AGO2: variants seen among roughly 807,000 people sequenced by gnomAD.
AGO2 encodes the protein protein argonaute-2.
In AGO2, 5 loss-of-function variants were observed where a neutral mutation model predicts 102.3. The ratio of observed to expected loss-of-function variants is 0.05; its 90% CI spans 0.03 to 0.10. AGO2 has a LOEUF of 0.10. AGO2 is among the 10% of genes least tolerant of loss of function. AGO2 has a pLI of 1.00. For synonymous variants in AGO2, 449 were observed against 473.1 expected (o/e 0.95, Z 0.66); for missense variants, 541 against 1,183.7 (o/e 0.46, Z 7.97).
chr8:140,610,598 C>T (rs2074062745), intron 1 of AGO2, among the ~76,000 whole-genome samples: 1 of 152,206 alleles, frequency 6.6e-6, no homozygotes, highest in African/African-American at 2.4e-5. Context: ...CCGAAGACAG[C>T]GCTCCTGAAA....
intron 1 of AGO2, among the ~76,000 whole-genome samples, chr8:140,595,428 T>C (rs1372307293): frequency 6.6e-6 from 1 of 151,844 alleles, no homozygotes; most frequent in East Asian, 1.9e-4. Flanking sequence ...TCCACTCTTC[T>C]CTATGCTTCT....
chr8:140,549,097 G>A lies in AGO2; in HGVS notation c.1588+17C>T. ...CCACGACGGCTCCCCACAGCCAGCG[G>A]GAGCGCCCACACCTACCGTACACGG... On this transcript the variant is annotated intron_variant, in intron 12 of 18. Transcript: ENST00000220592. 2 of 1,581,284 alleles carry A rather than the reference G, an allele frequency of 1.3e-6. No individual in the cohort carries two copies. Among genetic ancestry groups the A allele is most frequent in the Non-Finnish European group, 1.7e-6 (2 of 1,160,310 alleles).
In AGO2 at chr8:140,551,295, G is replaced by T. The variant is rs777630370; in HGVS notation, c.1403+8C>A. 1.3e-6 allele frequency: 2 copies of T among 1,513,992 alleles called. No homozygotes were observed. Among genetic ancestry groups the T allele is most frequent in the Non-Finnish European group, 8.9e-7 (1 of 1,121,082 alleles). The allele number at this position is 1,513,992 out of a possible 1,614,324, so 93.8% of individuals were successfully genotyped here. A position where few individuals can be genotyped will look rare whatever the true frequency, so the allele number is the denominator to read the frequency against. ...CCAGGCCGGAGCCTCTGCCTGTGGG[G>T]GGCTTACTTCAGATGGACTTCCGTG... On this transcript the variant is annotated splice_region_variant and intron_variant, in intron 11 of 18. Coordinates refer to ENST00000220592, the MANE Select transcript of AGO2 (RefSeq NM_012154.5).
intron 1 of AGO2, among the ~76,000 whole-genome samples, chr8:140,603,015 C>T (rs771479170): frequency 3.3e-5 from 5 of 152,180 alleles, no homozygotes; most frequent in Admixed American, 6.5e-5. Flanking sequence ...GTGTTCTGGC[C>T]GCATCTTTTA....
Position 140,522,752 on chromosome 8 carries a change from G to GT in AGO2, c.*9291dup, listed in dbSNP as rs2072439231. The GT allele has an allele frequency of 7.2e-6, 1 of 139,208 alleles. No individual in the cohort carries two copies. The highest frequency in any genetic ancestry group is 7.1e-5 in the Admixed American group (1 of 14,116). The allele number at this position is 139,208 out of a possible 1,614,324, so 8.6% of individuals were successfully genotyped here. A position where few individuals can be genotyped will look rare whatever the true frequency, so the allele number is the denominator to read the frequency against. On this transcript the variant is annotated 3_prime_UTR_variant, in exon 19 of 19. Coordinates refer to ENST00000220592, the MANE Select transcript of AGO2 (RefSeq NM_012154.5). ...GAGAGAGAGAGAGAGAGAGAGAGGT[G>GT]TATCACTGAATGCTTCCCTTTAACT... is the stretch of plus-strand genomic sequence containing the variant.
upstream of AGO2, among the ~76,000 whole-genome samples, chr8:140,640,438 CT>C (rs1333152239): frequency 5.9e-5 from 9 of 152,110 alleles, no homozygotes; most frequent in Non-Finnish European, 1.2e-4. Context: ...AACTCTGAAT[CT>C]AGTTCCTCTT....
chr8:140,584,799 C>T (rs1386370931), intron 2 of AGO2, among the ~76,000 whole-genome samples: 1 of 151,924 alleles, frequency 6.6e-6, no homozygotes, highest in Non-Finnish European at 1.5e-5. Flanking sequence ...TGGGGGTAAC[C>T]GGAAGAGGGT....
chr8:140,545,886 G>A (rs916941849), intron 13 of AGO2, among the ~76,000 whole-genome samples: 12 of 152,196 alleles, frequency 7.9e-5, no homozygotes, highest in African/African-American at 2.9e-4. Context: ...GCTCACCCCA[G>A]CTCACCAGAG....
At chr8:140,546,512 C>T (rs1019958099) in intron 13 of AGO2, among the ~76,000 whole-genome samples, 3 of 152,226 alleles carry the variant, frequency 2.0e-5, no homozygotes, top group Non-Finnish European at 4.4e-5. Flanking sequence ...CGCCCACTTT[C>T]CAAATACAGA....
intron 3 of AGO2, among the ~76,000 whole-genome samples, chr8:140,568,103 CAAAAAAAAAAAAA>C (rs553804959): frequency 1.8e-5 from 2 of 110,652 alleles, no homozygotes; most frequent in South Asian, 2.9e-4. Flanking sequence ...ACTAAAAATA[CAAAAAAAAAAAAA>C]AAAAAAAAGA....
At chr8:140,619,111 G>T (rs925412345) in intron 1 of AGO2, among the ~76,000 whole-genome samples, 1 of 151,952 alleles carries the variant, frequency 6.6e-6, no homozygotes, top group Non-Finnish European at 1.5e-5. Context: ...CTGTGATGCA[G>T]ACAGAGGCTG....
chr8:140,599,745 A>G (rs1032015959), intron 1 of AGO2, among the ~76,000 whole-genome samples: 4 of 152,032 alleles, frequency 2.6e-5, no homozygotes, highest in Admixed American at 6.6e-5. Context: ...TCCCCGAGAC[A>G]AGGTTCTCAG....
At chr8:140,562,351 G>T in intron 4 of AGO2, 102 bp downstream of exon 4, 1 of 1,412,006 alleles carries the variant, frequency 7.1e-7, no homozygotes, top group Non-Finnish European at 9.5e-7. Context: ...TCCCACCCTG[G>T]ATCCAAGAAT....
At chr8:140,580,980 C>T (rs1410517170) in intron 2 of AGO2, among the ~76,000 whole-genome samples, 1 of 152,266 alleles carries the variant, frequency 6.6e-6, no homozygotes, top group Admixed American at 6.5e-5. Flanking sequence ...ATCACGTTCT[C>T]ATCACCCTCA....
chr8:140,590,916 C>A lies in AGO2; in HGVS notation c.23-5605G>T, dbSNP rs547010974. ...TCATGGGTCCCAGCTTAGGAAATGG[C>A]CCCTACCCCTCCTCCTGTGGGCATG... On this transcript the variant is annotated intron_variant, in intron 1 of 18. Transcript: ENST00000220592. 2.6e-5 allele frequency among the ~76,000 whole-genome samples: 4 copies of A among 152,330 alleles called. No homozygotes were observed. The South Asian group carries it at 8.3e-4, about 32-fold the overall frequency.
intron 5 of AGO2, 76 bp downstream of exon 5, chr8:140,560,297 AC>A (rs958152472): frequency 2.2e-5 from 34 of 1,556,122 alleles, no homozygotes; most frequent in African/African-American, 1.9e-4. Flanking sequence ...GCCACATGCC[AC>A]CCCCCGACCG....
chr8:140,533,431 G>A (rs2072639111), intron 17 of AGO2, among the ~76,000 whole-genome samples: 1 of 150,336 alleles, frequency 6.7e-6, no homozygotes, highest in Non-Finnish European at 1.5e-5. Context: ...ATTGAAAGTG[G>A]ACGTAACAAG....
intron 1 of AGO2, among the ~76,000 whole-genome samples, chr8:140,630,924 C>T (rs376301559): frequency 1.3e-5 from 2 of 152,144 alleles, no homozygotes; most frequent in African/African-American, 4.8e-5. Flanking sequence ...CATGGTGGCA[C>T]ATGTCTGCAG....
rs374810912 is a variant in AGO2, at chr8:140,544,321, G to A, written c.1749-18C>T. ...CCGGCGGCCTGCGGAGAGGAGTGGC[G>A]TCAGGGGCCACGGTGAGACACGCCT... On this transcript the variant is annotated intron_variant, in intron 13 of 18. Transcript: ENST00000220592. 1.6e-4 allele frequency: 259 copies of A among 1,591,650 alleles called. No individual in the cohort carries two copies. Among genetic ancestry groups the A allele is most frequent in the South Asian group, 6.4e-4 (56 of 88,160 alleles).
Sources: allele counts gnomAD v4.1 joint callset (sites outside exome capture counted in the v4.1 genomes callset), GRCh38; gene constraint gnomAD v4.1.1; transcripts MANE v1.5; gene names NCBI Gene and HGNC (gene_info 2026-07-23, HGNC 2026-07-21).